AGK: variants seen among roughly 807,000 people sequenced by gnomAD.
AGK encodes acylglycerol kinase, mitochondrial.
Under a neutral mutation model 66.4 loss-of-function variants are expected in AGK, and 52 were observed. The observed-to-expected ratio is 0.78, with a 90% CI of 0.63 to 0.99. AGK has a LOEUF of 0.99. Among genes scored for constraint, AGK ranks in the 50% least tolerant of loss-of-function variants. AGK has a pLI of 0.00. For missense variants in AGK, 451 were observed against 506.6 expected (o/e 0.89, Z 1.05); for synonymous variants, 182 against 181.1 (o/e 1.00, Z -0.04).
chr7:141,613,612 C>A (rs1396998703), intron 6 of AGK, among the ~76,000 whole-genome samples: 2 of 152,076 alleles, frequency 1.3e-5, no homozygotes, highest in Non-Finnish European at 2.9e-5. Flanking sequence ...GAGTGAGACT[C>A]CACTGCAAAA....
At chr7:141,647,872 C>T (rs1472627351) in intron 13 of AGK, among the ~76,000 whole-genome samples, 3 of 152,212 alleles carry the variant, frequency 2.0e-5, no homozygotes, top group Middle Eastern at 6.8e-3. Context: ...GGTTTCACCA[C>T]GTTGGCCGGG....
intron 9 of AGK, among the ~76,000 whole-genome samples, chr7:141,623,872 A>G (rs1261837609): frequency 6.6e-6 from 1 of 152,078 alleles, no homozygotes. Context: ...CATGTTAAAA[A>G]CTACTGCAGC....
intron 11 of AGK, among the ~76,000 whole-genome samples, chr7:141,639,508 T>C (rs1025754212): frequency 1.3e-5 from 2 of 152,294 alleles, no homozygotes; most frequent in East Asian, 3.9e-4. Flanking sequence ...GGATTGTCCC[T>C]GGACAGGACA....
intron 8 of AGK, among the ~76,000 whole-genome samples, chr7:141,618,659 G>A (rs1380777000): frequency 1.3e-5 from 2 of 151,942 alleles, no homozygotes; most frequent in Non-Finnish European, 2.9e-5. Flanking sequence ...GTTTAAAAAA[G>A]GAAAGAATGT....
chr7:141,595,239 C>T (rs1796204241), intron 3 of AGK, among the ~76,000 whole-genome samples: 1 of 152,108 alleles, frequency 6.6e-6, no homozygotes, highest in Non-Finnish European at 1.5e-5. Context: ...AATCTTACTA[C>T]CATAGGTGTG....
At position 141,654,935 on chromosome 7, in the gene AGK, T is replaced by C. The variant is rs1257274379; in HGVS notation, c.*2011T>C. On this transcript the variant is annotated 3_prime_UTR_variant, in exon 16 of 16. Transcript: ENST00000649286. ...AAAATTTCTGCTTTTGGCAAAAACATAACAGACGGTTCCAAACATCAGCAT... is the reference window on the plus strand; with the variant it reads ...AAAATTTCTGCTTTTGGCAAAAACACAACAGACGGTTCCAAACATCAGCAT... The C allele has an allele frequency of 1.3e-5, 2 of 152,154 alleles. No individual in the cohort carries two copies. The highest frequency in any genetic ancestry group is 4.8e-5 in the African/African-American group (2 of 41,388). The allele number at this position is 152,154 out of a possible 1,614,324, so 9.4% of individuals were successfully genotyped here.
chr7:141,562,646 T>C (rs1795375141), intron 2 of AGK, among the ~76,000 whole-genome samples: 1 of 152,184 alleles, frequency 6.6e-6, no homozygotes, highest in Non-Finnish European at 1.5e-5. Context: ...TAACTGATAG[T>C]GAAAGGCCTC....
intron 4 of AGK, 141 bp downstream of exon 4, chr7:141,596,782 G>T: frequency 1.5e-6 from 1 of 683,306 alleles, no homozygotes; most frequent in Non-Finnish European, 2.5e-6. Flanking sequence ...CATTTGTAAT[G>T]TAGAAATAAC....
At chr7:141,650,587 A>G in intron 14 of AGK, 1 of 985,426 alleles carries the variant, frequency 1.0e-6, no homozygotes, top group Non-Finnish European at 1.2e-6. Flanking sequence ...TAAATGATAA[A>G]TGGACTGATT....
chr7:141,648,209 A>T (rs1179467766), intron 13 of AGK, among the ~76,000 whole-genome samples: 2 of 152,198 alleles, frequency 1.3e-5, no homozygotes, highest in Non-Finnish European at 2.9e-5. Context: ...TTATTTTCTA[A>T]TAAACTCTAA....
intron 1 of AGK, among the ~76,000 whole-genome samples, chr7:141,552,491 C>T (rs1795114165): frequency 6.6e-6 from 1 of 152,166 alleles, no homozygotes; most frequent in East Asian, 1.9e-4. Flanking sequence ...AATTCCAGAA[C>T]AAATGAGACT....
chr7:141,649,427 C>G, intron 14 of AGK, 94 bp downstream of exon 14: 1 of 932,626 alleles, frequency 1.1e-6, no homozygotes, highest in South Asian at 1.5e-5. Context: ...AGAAATCCAG[C>G]CAAAGCCTTG....
chr7:141,635,165 T>C (rs1797143573), intron 10 of AGK, among the ~76,000 whole-genome samples: 1 of 152,232 alleles, frequency 6.6e-6, no homozygotes, highest in Non-Finnish European at 1.5e-5. Context: ...AGGACTATTT[T>C]ATATACTAGC....
At chr7:141,638,340 G>GC (rs1562982352) in intron 11 of AGK, among the ~76,000 whole-genome samples, 1 of 152,126 alleles carries the variant, frequency 6.6e-6, no homozygotes, top group Non-Finnish European at 1.5e-5. Flanking sequence ...GTGTGACATG[G>GC]CCCTTAATTA....
At chr7:141,615,389 A>C (rs1796681477) in intron 7 of AGK, 82 bp from the exon 8 acceptor site, 1 of 1,086,932 alleles carries the variant, frequency 9.2e-7, no homozygotes, top group East Asian at 2.4e-5. Flanking sequence ...GTTATTTGTC[A>C]TAGTGGACAC....
chr7:141,564,342 G>A (rs1471329852), intron 2 of AGK, among the ~76,000 whole-genome samples: 2 of 152,156 alleles, frequency 1.3e-5, no homozygotes, highest in Admixed American at 1.3e-4. Flanking sequence ...GGCTGGGGAG[G>A]CCTCAGGAAA....
At chr7:141,641,612 G>A (rs1362031053) in intron 12 of AGK, among the ~76,000 whole-genome samples, 199 bp from the exon 13 acceptor site, 2 of 152,156 alleles carry the variant, frequency 1.3e-5, no homozygotes, top group Non-Finnish European at 2.9e-5. Context: ...CTGTTAACGT[G>A]ACTGCTTTTG....
intron 9 of AGK, among the ~76,000 whole-genome samples, chr7:141,629,167 C>T (rs979590617): frequency 2.6e-5 from 4 of 152,124 alleles, no homozygotes; most frequent in African/African-American, 9.7e-5. Context: ...TTCTCTTTAT[C>T]TAGGATCCCT....
chr7:141,567,502 A>G (rs965329175), intron 2 of AGK, among the ~76,000 whole-genome samples: 2 of 152,012 alleles, frequency 1.3e-5, no homozygotes, highest in Admixed American at 1.3e-4. Context: ...AAGAAAAAAA[A>G]GTCTGTGATA....
Sources: gnomAD v4.1 joint callset for allele counts (sites outside exome capture counted in the v4.1 genomes callset) on GRCh38, gnomAD v4.1.1 for gene constraint, MANE v1.5 for transcripts, NCBI Gene and HGNC (gene_info 2026-07-23, HGNC 2026-07-21) for gene names.